KHDC1: variants seen among roughly 807,000 people sequenced by gnomAD.
KHDC1 encodes KH homology domain-containing protein 1.
A neutral mutation model predicts 24.7 loss-of-function variants in KHDC1; 21 were observed. That is an observed-to-expected ratio of 0.85 (90% CI 0.60 to 1.23). The LOEUF is 1.23. KHDC1 is among the 50% of genes most tolerant of loss of function. KHDC1 has a pLI of 0.00. For synonymous variants in KHDC1, 98 were observed against 111.7 expected (o/e 0.88, Z 0.77); for missense variants, 274 against 298.5 (o/e 0.92, Z 0.61).
intron 1 of KHDC1, among the ~76,000 whole-genome samples, chr6:73,308,825 GTTTTTTGT>G (rs1014172879): frequency 6.6e-6 from 1 of 151,890 alleles, no homozygotes; most frequent in Admixed American, 6.6e-5. Context: ...TTGTTGGTTT[GTTTTTTGT>G]TTTTTTGTTT....
At chr6:73,290,551 T>C (rs62438245) in intron 2 of KHDC1, 7,127 of 470,406 alleles carry the variant, frequency 0.015, 70 homozygotes, top group Admixed American at 0.028. Context: ...TCCACAAATA[T>C]ATCATAAATC....
At chr6:73,292,442 A>G in intron 1 of KHDC1, 2 of 774,458 alleles carry the variant, frequency 2.6e-6, no homozygotes, top group Non-Finnish European at 4.8e-6. Context: ...GGTTCCAGCA[A>G]CAGACAGAAA....
At chr6:73,310,147 G>C (rs1330935541) in exon 1 of KHDC1, 1 of 194,878 alleles carries the variant, frequency 5.1e-6, no homozygotes, top group Admixed American at 6.4e-5. Context: ...AGGAAAGCCC[G>C]AGGCACTGTA....
At chr6:73,273,832 A>G (rs1257831449) in intron 2 of KHDC1, among the ~76,000 whole-genome samples, 4 of 151,228 alleles carry the variant, frequency 2.6e-5, no homozygotes, top group African/African-American at 9.7e-5. Flanking sequence ...AAAAATAAAA[A>G]AATAAGCCAG....
chr6:73,267,665 G>A (rs936422841), intron 2 of KHDC1, among the ~76,000 whole-genome samples: 3 of 152,110 alleles, frequency 2.0e-5, no homozygotes, highest in Non-Finnish European at 4.4e-5. Context: ...CCATTTTTAG[G>A]TATATATTCA....
At chr6:73,273,198 C>T (rs1323203194) in intron 2 of KHDC1, among the ~76,000 whole-genome samples, 1 of 150,004 alleles carries the variant, frequency 6.7e-6, no homozygotes, top group Non-Finnish European at 1.5e-5. Context: ...GACGGAGTCT[C>T]TCTCTGTTGC....
In KHDC1 at chr6:73,307,152, C is replaced by T. The variant is rs1041274588; in HGVS notation, c.163+2400G>A. The stretch of plus-strand genomic sequence containing the variant: ...TTTATTATATAACCATTAGAGCAGC[C>T]GGGCAAGGTGGCTCATGCCTGTAAT... On this transcript the variant is annotated intron_variant, in intron 1 of 4. Transcript: ENST00000370384. Among the ~76,000 whole-genome samples the T allele has an allele frequency of 1.1e-4, 17 of 152,004 alleles. 1 individual carries two copies. Among genetic ancestry groups the T allele is most frequent in the South Asian group, 1.0e-3 (5 of 4,808 alleles).
At chr6:73,290,450 CT>C in intron 2 of KHDC1, 1 of 349,400 alleles carries the variant, frequency 2.9e-6, no homozygotes, top group Non-Finnish European at 5.6e-6. Context: ...GTGACACTAA[CT>C]TTGATTTCCA....
At chr6:73,264,612 G>A (rs924074884) in intron 2 of KHDC1, among the ~76,000 whole-genome samples, 5 of 152,222 alleles carry the variant, frequency 3.3e-5, no homozygotes, top group African/African-American at 1.2e-4. Flanking sequence ...GACAGGAATA[G>A]GTAGAGCTGC....
chr6:73,275,780 C>A (rs1023202906), intron 2 of KHDC1: 2 of 153,782 alleles, frequency 1.3e-5, no homozygotes, highest in African/African-American at 2.4e-5. Context: ...CAAGCAGAGT[C>A]TTCCTCCTGG....
chr6:73,295,206 C>T (rs1767735605), intron 1 of KHDC1, among the ~76,000 whole-genome samples: 1 of 152,072 alleles, frequency 6.6e-6, no homozygotes, highest in Non-Finnish European at 1.5e-5. Context: ...ACTTCTTGCT[C>T]CTGCTCTGGC....
At chr6:73,280,830 T>C (rs1190161630) in intron 2 of KHDC1, among the ~76,000 whole-genome samples, 2 of 152,152 alleles carry the variant, frequency 1.3e-5, no homozygotes, top group Admixed American at 1.3e-4. Context: ...TAATTTCTTT[T>C]TTAATAGCTT....
At chr6:73,277,629 T>C (rs61123006) in intron 2 of KHDC1, among the ~76,000 whole-genome samples, 7,704 of 151,998 alleles carry the variant, frequency 0.051, 501 homozygotes, top group African/African-American at 0.15. Flanking sequence ...GGCAGGAAGA[T>C]TGCTTGAGTC....
intron 2 of KHDC1, among the ~76,000 whole-genome samples, chr6:73,258,249 C>T (rs750537562): frequency 9.9e-5 from 15 of 151,958 alleles, no homozygotes; most frequent in Non-Finnish European, 1.8e-4. Context: ...AGCGAGACTC[C>T]GTCTCTAAAT....
chr6:73,278,147 G>C (rs954980174), intron 2 of KHDC1, among the ~76,000 whole-genome samples: 2 of 149,824 alleles, frequency 1.3e-5, no homozygotes, highest in Non-Finnish European at 3.0e-5. Flanking sequence ...GAGTAGCTAG[G>C]ATTACAAGCA....
intron 2 of KHDC1, among the ~76,000 whole-genome samples, chr6:73,252,983 T>C (rs1374466865): frequency 6.6e-6 from 1 of 152,220 alleles, no homozygotes; most frequent in Non-Finnish European, 1.5e-5. Flanking sequence ...TTTTTTAAAC[T>C]ATGTAAAAAT....
chr6:73,274,340 A>G (rs1241931255), intron 2 of KHDC1: 1 of 152,222 alleles, frequency 6.6e-6, no homozygotes, highest in Non-Finnish European at 1.5e-5. Flanking sequence ...CATTGCAGCA[A>G]TCATCCTCAT....
At chr6:73,263,434 G>A in intron 2 of KHDC1, 1 of 292,854 alleles carries the variant, frequency 3.4e-6, no homozygotes, top group Non-Finnish European at 5.1e-6. Flanking sequence ...GCCTCCAGGC[G>A]GCATCTCTTG....
chr6:73,275,581 C>A (rs1298857259), intron 2 of KHDC1: 1 of 167,152 alleles, frequency 6.0e-6, no homozygotes, highest in Non-Finnish European at 1.5e-5. Flanking sequence ...TGGTAAGTGT[C>A]CTGGTGTCTT....
Sources: allele counts gnomAD v4.1 joint callset (sites outside exome capture counted in the v4.1 genomes callset), GRCh38; gene constraint gnomAD v4.1.1; transcripts MANE v1.5; gene names NCBI Gene and HGNC (gene_info 2026-07-23, HGNC 2026-07-21).